The following ENOX1 variants were observed in gnomAD, a reference collection of about 807,000 sequenced individuals.
ENOX1 encodes the protein candidate growth-related and time keeping constitutive hydroquinone (NADH) oxidase.
A neutral mutation model predicts 82.5 loss-of-function variants in ENOX1; 42 were observed. The observed-to-expected ratio is 0.51, with a 90% CI of 0.40 to 0.66. The LOEUF is 0.66. ENOX1 is among the 30% of genes least tolerant of loss of function. The pLI, the probability that ENOX1 is intolerant of heterozygous loss-of-function variation, is 0.00. For synonymous variants in ENOX1, 271 were observed against 282.2 expected, an observed-to-expected ratio of 0.96 and a Z score of 0.40; for missense variants, 608 against 811.6, an observed-to-expected ratio of 0.75 and a Z score of 3.05.
chr13:43,375,229 T>A (rs2051536143), intron 5 of ENOX1, among the ~76,000 whole-genome samples: 1 of 141,558 alleles, frequency 7.1e-6, no homozygotes. Flanking sequence ...GTGTGACAGG[T>A]GAGAGGGACA....
At chr13:43,496,561 AT>A (rs1317681190) in intron 2 of ENOX1, among the ~76,000 whole-genome samples, 1 of 151,502 alleles carries the variant, frequency 6.6e-6, no homozygotes, top group Non-Finnish European at 1.5e-5. Flanking sequence ...TTGACTATTT[AT>A]TTAGAGATAG....
At chr13:43,735,814 G>C (rs1401956033) in intron 1 of ENOX1, among the ~76,000 whole-genome samples, 1 of 152,164 alleles carries the variant, frequency 6.6e-6, no homozygotes, top group African/African-American at 2.4e-5. Context: ...TGGTAGGACA[G>C]TTGAAACACA....
At chr13:43,496,068 C>T (rs2076781838) in intron 2 of ENOX1, among the ~76,000 whole-genome samples, 1 of 151,956 alleles carries the variant, frequency 6.6e-6, no homozygotes, top group African/African-American at 2.4e-5. Context: ...GATTCAATTC[C>T]TTTTCATACA....
chr13:43,298,520 G>T lies in ENOX1; in HGVS notation c.1272C>A (p.Ala424=), dbSNP rs1349859014. The change falls in exon 12 of 17, where the codon GCC becomes GCA. Residue 424 remains alanine (A), a synonymous_variant. Coordinates refer to ENST00000690772, the MANE Select transcript of ENOX1 (RefSeq NM_001347969.2). ...KMRVDESALA[A]QAYALKEEND... The stretch of plus-strand genomic sequence containing the variant: ...TCTCCTCTTTCAGAGCGTAGGCCTG[G>T]GCAGCCAGGGCTGAGGGACAAACAG... 1 of 1,611,004 alleles carries T rather than the reference G, an allele frequency of 6.2e-7. No homozygotes were observed. The highest frequency in any genetic ancestry group is 8.5e-7 in the Non-Finnish European group (1 of 1,178,948).
At chr13:43,641,185 T>G (rs977492718) in intron 2 of ENOX1, among the ~76,000 whole-genome samples, 6 of 152,148 alleles carry the variant, frequency 3.9e-5, no homozygotes, top group Non-Finnish European at 8.8e-5. Context: ...CCACATAACT[T>G]GGAACAGCCC....
At chr13:43,744,682 G>A (rs146412312) in intron 1 of ENOX1, among the ~76,000 whole-genome samples, 97 of 152,288 alleles carry the variant, frequency 6.4e-4, no homozygotes, top group Middle Eastern at 6.8e-3. Context: ...GTACATCTCC[G>A]CTAGTGCTTT....
intron 1 of ENOX1, among the ~76,000 whole-genome samples, chr13:43,772,809 C>G (rs955681978): frequency 1.0e-4 from 15 of 149,204 alleles, no homozygotes; most frequent in African/African-American, 3.5e-4. Context: ...GAGTGGTTCT[C>G]AAACTTCAGT....
rs544270026 is a variant in ENOX1 at position 43,285,205 on chromosome 13, C to T, written c.1446+13141G>A. Among the ~76,000 whole-genome samples the T allele has an allele frequency of 2.0e-5, 3 of 152,212 alleles. No individual in the cohort carries two copies. In the East Asian group the frequency reaches 5.8e-4, roughly 29 times the overall value. On this transcript the variant is annotated intron_variant, in intron 12 of 16. Coordinates refer to ENST00000690772, the MANE Select transcript of ENOX1 (RefSeq NM_001347969.2). ...ATCTAACATCTTGGAACTGAATTCC[C>T]AATTCCACACTTTGGTTACAATTCC...
chr13:43,285,844 CCCT>C (rs1013533092), intron 12 of ENOX1, among the ~76,000 whole-genome samples: 5 of 150,254 alleles, frequency 3.3e-5, no homozygotes, highest in African/African-American at 1.2e-4. Flanking sequence ...AGGAATTCCC[CCCT>C]CTTCTTCTTT....
intron 2 of ENOX1, among the ~76,000 whole-genome samples, chr13:43,632,921 A>C (rs1041714919): frequency 1.3e-5 from 2 of 152,164 alleles, no homozygotes; most frequent in African/African-American, 4.8e-5. Context: ...GTTGCTTCTT[A>C]GACTGTTCAC....
intron 2 of ENOX1, among the ~76,000 whole-genome samples, chr13:43,576,785 A>G (rs969127946): frequency 6.6e-6 from 1 of 152,200 alleles, no homozygotes; most frequent in Non-Finnish European, 1.5e-5. Context: ...TAGTATTTCT[A>G]TGGAACAGCA....
At chr13:43,620,898 T>G (rs1467671166) in intron 2 of ENOX1, among the ~76,000 whole-genome samples, 2 of 152,210 alleles carry the variant, frequency 1.3e-5, no homozygotes, top group Non-Finnish European at 2.9e-5. Flanking sequence ...CTTAGGTCTA[T>G]TAGTCATAGT....
chr13:43,544,551 A>G (rs2078892073), intron 2 of ENOX1: 1 of 152,148 alleles, frequency 6.6e-6, no homozygotes, highest in Non-Finnish European at 1.5e-5. Context: ...ATGCTTGATA[A>G]AAGTTGACAG....
At chr13:43,420,116 T>C (rs2054887211) in intron 3 of ENOX1, among the ~76,000 whole-genome samples, 1 of 152,236 alleles carries the variant, frequency 6.6e-6, no homozygotes, top group African/African-American at 2.4e-5. Context: ...TTCACTCTCC[T>C]TTTCCATCAC....
chr13:43,388,773 G>C (rs185464590), intron 5 of ENOX1, among the ~76,000 whole-genome samples: 1 of 152,160 alleles, frequency 6.6e-6, no homozygotes, highest in African/African-American at 2.4e-5. Flanking sequence ...GCTGCCCTTG[G>C]AGGAGCTGGT....
Position 43,213,538 on chromosome 13 carries a change from C to CTTTTTTT in ENOX1, c.*451_*452insAAAAAAA, listed in dbSNP as rs2041290346. The CTTTTTTT allele has an allele frequency of 2.0e-5, 2 of 97,872 alleles. No homozygotes were observed. Among genetic ancestry groups the CTTTTTTT allele is most frequent in the South Asian group, 3.3e-4 (1 of 2,992 alleles). The allele number at this position is 97,872 out of a possible 1,614,324, so 6.1% of individuals were successfully genotyped here. A position where few individuals can be genotyped will look rare whatever the true frequency, so the allele number is the denominator to read the frequency against. ...TTTTCTTTTTTCTTTTTTTCTTTTTCTTTTTCTTTTTTTTTTTTTTTTTTT... is the reference window on the plus strand; with the variant it reads ...TTTTCTTTTTTCTTTTTTTCTTTTTCTTTTTTTTTTTTCTTTTTTTTTTTTTTTTTTT... On this transcript the variant is annotated 3_prime_UTR_variant, in exon 17 of 17. Coordinates refer to ENST00000690772, the MANE Select transcript of ENOX1 (RefSeq NM_001347969.2).
At chr13:43,569,492 G>T (rs2080075941) in intron 2 of ENOX1, among the ~76,000 whole-genome samples, 1 of 152,038 alleles carries the variant, frequency 6.6e-6, no homozygotes, top group South Asian at 2.1e-4. Flanking sequence ...TTCTCTTCTT[G>T]AAACCTTTGA....
In ENOX1 at chr13:43,270,771, C is replaced by G. The variant is rs186091318; in HGVS notation, c.1447-1194G>C. Among the ~76,000 whole-genome samples the G allele has an allele frequency of 2.3e-3, 355 of 152,304 alleles. 2 individuals are homozygous for G. The highest frequency in any genetic ancestry group is 7.8e-3 in the African/African-American group (323 of 41,558). ...ACCTACTTTGGTCCTGTAGCATAAA[C>G]AGTGATTTCTTGCAATTTTCTAAAA... On this transcript the variant is annotated intron_variant, in intron 12 of 16. Coordinates refer to ENST00000690772, the MANE Select transcript of ENOX1 (RefSeq NM_001347969.2).
chr13:43,392,322 C>T (rs572170187), intron 5 of ENOX1, among the ~76,000 whole-genome samples: 2 of 152,206 alleles, frequency 1.3e-5, no homozygotes, highest in African/African-American at 4.8e-5. Flanking sequence ...TTTAGGTATT[C>T]ACAATAAAAC....
Sources: allele counts gnomAD v4.1 joint callset (sites outside exome capture counted in the v4.1 genomes callset), GRCh38; gene constraint gnomAD v4.1.1; transcripts MANE v1.5; gene names NCBI Gene and HGNC (gene_info 2026-07-23, HGNC 2026-07-21).